Variants in SCGB2B2 observed in about 807,000 individuals in gnomAD.
The protein encoded by SCGB2B2 is secretoglobin-like protein.
SCGB2B2 carries 11 observed loss-of-function variants against 7.6 expected under a neutral mutation model. The observed-to-expected ratio is 1.45, with a 90% CI of 0.91 to 2.40. SCGB2B2 has a LOEUF of 2.40. SCGB2B2 is among the 30% of genes most tolerant of loss of function. SCGB2B2 has a pLI of 0.00. For missense variants in SCGB2B2, 104 were observed against 115.4 expected, an observed-to-expected ratio of 0.90 and a Z score of 0.45; for synonymous variants, 50 against 48.6, an observed-to-expected ratio of 1.03 and a Z score of -0.12.
intron 1 of SCGB2B2, among the ~76,000 whole-genome samples, chr19:34,618,311 T>C (rs2066145826): frequency 6.6e-6 from 1 of 152,256 alleles, no homozygotes; most frequent in African/African-American, 2.4e-5. Flanking sequence ...TGCAAACTTT[T>C]TATAAACCTT....
At chr19:34,650,423 A>G (rs1379448434) in intron 1 of SCGB2B2, among the ~76,000 whole-genome samples, 1 of 151,218 alleles carries the variant, frequency 6.6e-6, no homozygotes, top group East Asian at 1.9e-4. Context: ...GGCTTCATCC[A>G]GGGTTGATTT....
intron 1 of SCGB2B2, among the ~76,000 whole-genome samples, chr19:34,660,327 T>C (rs986248295): frequency 6.6e-5 from 10 of 152,146 alleles, no homozygotes; most frequent in African/African-American, 2.4e-4. Flanking sequence ...CAAAAGAAAC[T>C]ATCATCAGAG....
intron 1 of SCGB2B2, among the ~76,000 whole-genome samples, chr19:34,606,521 T>TTTTG (rs2065784446): frequency 6.6e-6 from 1 of 151,310 alleles, no homozygotes; most frequent in Non-Finnish European, 1.5e-5. Flanking sequence ...CTTTTTCTTT[T>TTTTG]TTTTTTTGCT....
chr19:34,608,869 T>A (rs2065855658), intron 1 of SCGB2B2: 1 of 151,808 alleles, frequency 6.6e-6, no homozygotes, highest in Admixed American at 6.6e-5. Context: ...CTCGATCATA[T>A]GGTAATTCTA....
intron 1 of SCGB2B2, among the ~76,000 whole-genome samples, chr19:34,612,448 T>C (rs1043644446): frequency 1.3e-5 from 2 of 152,220 alleles, no homozygotes; most frequent in African/African-American, 4.8e-5. Flanking sequence ...TTAGGGTAAA[T>C]GGAATATCTA....
chr19:34,651,430 A>G (rs2067159326), intron 1 of SCGB2B2, among the ~76,000 whole-genome samples: 1 of 151,384 alleles, frequency 6.6e-6, no homozygotes, highest in African/African-American at 2.5e-5. Context: ...CAACGAATTC[A>G]TTAAAGATGA....
intron 1 of SCGB2B2, among the ~76,000 whole-genome samples, chr19:34,641,446 G>A (rs1313484886): frequency 2.0e-5 from 3 of 152,194 alleles, no homozygotes; most frequent in African/African-American, 7.2e-5. Context: ...TGGTCACTAT[G>A]TCAAAATCCA....
At chr19:34,596,726 ACTGT>A (rs2065467565) in intron 1 of SCGB2B2, 132 bp from the exon 2 acceptor site, 1 of 152,370 alleles carries the variant, frequency 6.6e-6, no homozygotes, top group Admixed American at 6.5e-5. Context: ...GTGGAGAAGC[ACTGT>A]CTGAGTGGGC....
chr19:34,641,848 T>C (rs1393114331), intron 1 of SCGB2B2, among the ~76,000 whole-genome samples: 5 of 152,228 alleles, frequency 3.3e-5, no homozygotes, highest in African/African-American at 1.2e-4. Flanking sequence ...AGATCTTTCC[T>C]AGTCTAGATC....
chr19:34,656,574 G>C (rs900107976), intron 1 of SCGB2B2, among the ~76,000 whole-genome samples: 1 of 151,220 alleles, frequency 6.6e-6, no homozygotes, highest in African/African-American at 2.5e-5. Context: ...CTGCACTTCA[G>C]CCCAGGTAAC....
chr19:34,603,979 C>A (rs909181224), intron 1 of SCGB2B2, among the ~76,000 whole-genome samples: 6 of 151,844 alleles, frequency 4.0e-5, no homozygotes, highest in African/African-American at 1.5e-4. Flanking sequence ...GGGAGATCTC[C>A]TTTTAAATAA....
Position 34,676,765 on chromosome 19 carries a change from T to G in SCGB2B2, c.-3167A>C, listed in dbSNP as rs2067967600. 6.6e-6 allele frequency: 1 copy of G among 152,196 alleles called. No individual in the cohort carries two copies. The highest frequency in any genetic ancestry group is 2.4e-5 in the African/African-American group (1 of 41,440). The allele number at this position is 152,196 out of a possible 1,614,324, so 9.4% of individuals were successfully genotyped here. A position where few individuals can be genotyped will look rare whatever the true frequency, so the allele number is the denominator to read the frequency against. ...TCTATAGCGACACTATTTATAATTT[T>G]AAAAATGATTGAAGTCAATTAACAT... is the stretch of plus-strand genomic sequence containing the variant. On this transcript the variant is annotated 5_prime_UTR_variant, in exon 1 of 4. It removes the in-frame stop codon of an upstream open reading frame in the 5' UTR. Transcript: ENST00000601241.
chr19:34,629,683 G>C (rs2145939402), intron 1 of SCGB2B2, among the ~76,000 whole-genome samples: 1 of 152,052 alleles, frequency 6.6e-6, no homozygotes, highest in Middle Eastern at 3.4e-3. Context: ...CGTGAAAATG[G>C]GCATATTGCC....
chr19:34,674,992 G>A (rs1341184908), intron 1 of SCGB2B2, among the ~76,000 whole-genome samples: 4 of 152,086 alleles, frequency 2.6e-5, no homozygotes, highest in Admixed American at 6.5e-5. Flanking sequence ...CATTCCAAAA[G>A]AACTTGACCA....
intron 1 of SCGB2B2, among the ~76,000 whole-genome samples, chr19:34,642,477 A>G (rs1304497399): frequency 6.6e-6 from 1 of 152,156 alleles, no homozygotes; most frequent in African/African-American, 2.4e-5. Flanking sequence ...GCACTTTGGG[A>G]GGCCAAGGCA....
chr19:34,636,856 C>T (rs1281191327), intron 1 of SCGB2B2, among the ~76,000 whole-genome samples: 2 of 152,148 alleles, frequency 1.3e-5, no homozygotes, highest in Non-Finnish European at 2.9e-5. Context: ...AGAGTCCCTC[C>T]TCCCATAGCT....
At chr19:34,667,951 ATCAGGGTCCAG>A in intron 1 of SCGB2B2, among the ~76,000 whole-genome samples, 1 of 152,334 alleles carries the variant, frequency 6.6e-6, no homozygotes, top group Admixed American at 6.5e-5. Flanking sequence ...ACCCTTACCA[ATCAGGGTCCAG>A]TCAGGTGACA....
intron 1 of SCGB2B2, chr19:34,646,810 T>C (rs1000910228): frequency 1.3e-5 from 2 of 151,256 alleles, no homozygotes; most frequent in African/African-American, 4.9e-5. Context: ...CTCAGCTCTG[T>C]ATTCTGGCGT....
chr19:34,600,081 G>A (rs1161442941), intron 1 of SCGB2B2, among the ~76,000 whole-genome samples: 1 of 152,014 alleles, frequency 6.6e-6, no homozygotes, highest in Admixed American at 6.6e-5. Context: ...TGTACACAAC[G>A]TGCAGGTTTG....
Sources: gnomAD v4.1 joint callset for allele counts (sites outside exome capture counted in the v4.1 genomes callset) on GRCh38, gnomAD v4.1.1 for gene constraint, MANE v1.5 for transcripts, NCBI Gene and HGNC (gene_info 2026-07-23, HGNC 2026-07-21) for gene names.